The following PTPRN2 variants were observed in gnomAD, a reference collection of about 807,000 sequenced individuals.
PTPRN2 encodes the protein receptor-type tyrosine-protein phosphatase N2.
In PTPRN2, 74 loss-of-function variants were observed where a neutral mutation model predicts 118.8. The ratio of observed to expected loss-of-function variants is 0.62; its 90% CI spans 0.52 to 0.76. The LOEUF (loss-of-function observed/expected upper bound fraction) is 0.76, where lower values mean the gene tolerates loss of function less well. Among genes scored for constraint, PTPRN2 ranks in the 30% least tolerant of loss-of-function variants. PTPRN2 has a pLI of 0.00. For missense variants in PTPRN2, 1,481 were observed against 1,394.4 expected, an observed-to-expected ratio of 1.06 and a Z score of -0.99; for synonymous variants, 641 against 608.0, an observed-to-expected ratio of 1.05 and a Z score of -0.80.
At chr7:158,357,435 C>T (rs1808479209) in intron 2 of PTPRN2, among the ~76,000 whole-genome samples, 1 of 152,200 alleles carries the variant, frequency 6.6e-6, no homozygotes, top group Non-Finnish European at 1.5e-5. Context: ...ATGGTGGCTT[C>T]CTGGCTTGCT....
chr7:158,156,496 T>A (rs1821830066), intron 6 of PTPRN2, among the ~76,000 whole-genome samples: 1 of 152,182 alleles, frequency 6.6e-6, no homozygotes, highest in African/African-American at 2.4e-5. Flanking sequence ...GCTGCCCACA[T>A]TCGCTAAATG....
At chr7:158,285,760 C>A (rs565704366) in intron 3 of PTPRN2, among the ~76,000 whole-genome samples, 1 of 152,078 alleles carries the variant, frequency 6.6e-6, no homozygotes, top group Non-Finnish European at 1.5e-5. Flanking sequence ...TCAGCTACAC[C>A]GGCTAACTCC....
intron 12 of PTPRN2, among the ~76,000 whole-genome samples, chr7:157,833,323 G>A (rs890375508): frequency 1.4e-5 from 2 of 147,708 alleles, no homozygotes; most frequent in South Asian, 4.3e-4. Flanking sequence ...CGGTGAACTC[G>A]TCCAGGAGCG....
intron 2 of PTPRN2, among the ~76,000 whole-genome samples, chr7:158,400,578 C>T (rs1812858560): frequency 6.6e-6 from 1 of 152,190 alleles, no homozygotes; most frequent in African/African-American, 2.4e-5. Context: ...AACAAGAACA[C>T]AAGATGCGCT....
intron 12 of PTPRN2, among the ~76,000 whole-genome samples, chr7:157,886,032 T>A (rs192926818): frequency 4.6e-5 from 7 of 152,334 alleles, no homozygotes; most frequent in Admixed American, 4.6e-4. Flanking sequence ...CCTGTTAATT[T>A]TCTTCATCTC....
intron 6 of PTPRN2, among the ~76,000 whole-genome samples, chr7:158,140,096 C>T (rs1025546017): frequency 1.3e-5 from 2 of 152,136 alleles, no homozygotes; most frequent in African/African-American, 4.8e-5. Context: ...TTCTTTTCTC[C>T]TCTTACTTTA....
intron 2 of PTPRN2, among the ~76,000 whole-genome samples, chr7:158,344,740 C>T (rs529132197): frequency 2.0e-5 from 3 of 152,104 alleles, no homozygotes; most frequent in African/African-American, 4.8e-5. Flanking sequence ...TGACGGTGCA[C>T]GATTTGCAAT....
intron 2 of PTPRN2, among the ~76,000 whole-genome samples, chr7:158,403,640 A>G (rs1411975861): frequency 6.6e-6 from 1 of 152,136 alleles, no homozygotes; most frequent in Non-Finnish European, 1.5e-5. Context: ...GAAGTGGGCT[A>G]AGGTGGGCAG....
At chr7:157,945,357 G>A (rs1481978475) in intron 11 of PTPRN2, among the ~76,000 whole-genome samples, 4 of 151,782 alleles carry the variant, frequency 2.6e-5, no homozygotes, top group African/African-American at 7.3e-5. Context: ...CACTGACCCC[G>A]TGTGTCCCGA....
rs1373948913 is a variant in PTPRN2 at position 157,544,140 on chromosome 7, CGGAGAGAGACGGAGAGAGGT to C, written c.2977-3375_2977-3356del. Reference sequence around the variant, plus strand: ...AGAGATGGAGAGAGGCGGAGAGAGGCGGAGAGAGACGGAGAGAGGTGGAGAGAGACGGAGAGAGGTGGAGA... The same window carrying C: ...AGAGATGGAGAGAGGCGGAGAGAGGCGGAGAGAGACGGAGAGAGGTGGAGA... On this transcript the variant is annotated intron_variant, in intron 22 of 22. Transcript: ENST00000389418. Among the ~76,000 whole-genome samples, 818 of 121,938 alleles carry C rather than the reference CGGAGAGAGACGGAGAGAGGT, an allele frequency of 6.7e-3. 7 individuals carry two copies. The highest frequency in any genetic ancestry group is 0.033 in the East Asian group (115 of 3,450). 80.0% of individuals were successfully genotyped at this position (121,938 alleles called of 152,430 possible).
At chr7:158,137,559 G>A (rs912212247) in intron 7 of PTPRN2, among the ~76,000 whole-genome samples, 1 of 152,102 alleles carries the variant, frequency 6.6e-6, no homozygotes, top group Non-Finnish European at 1.5e-5. Flanking sequence ...CCATGGTGCG[G>A]GTCCCGATTC....
chr7:157,589,128 G>A (rs1800843691), intron 17 of PTPRN2, among the ~76,000 whole-genome samples: 1 of 152,092 alleles, frequency 6.6e-6, no homozygotes, highest in Non-Finnish European at 1.5e-5. Context: ...CCCTCCCTGA[G>A]CCCCTGGCTA....
chr7:158,327,130 T>TACACAC, intron 2 of PTPRN2, among the ~76,000 whole-genome samples: 1 of 62,394 alleles, frequency 1.6e-5, no homozygotes. Context: ...AGCACACACA[T>TACACAC]ACACACTCAT....
intron 9 of PTPRN2, among the ~76,000 whole-genome samples, chr7:158,112,906 C>A (rs1295911084): frequency 6.6e-6 from 1 of 152,020 alleles, no homozygotes; most frequent in Non-Finnish European, 1.5e-5. Context: ...AATGCCGAGA[C>A]CGGGGAGCTG....
intron 11 of PTPRN2, among the ~76,000 whole-genome samples, chr7:158,080,446 C>T (rs149153650): frequency 3.3e-4 from 50 of 151,152 alleles, no homozygotes; most frequent in African/African-American, 1.0e-3. Flanking sequence ...TGATACGGAA[C>T]GGGAGCACCC....
chr7:158,062,069 C>T (rs557789388), intron 11 of PTPRN2, among the ~76,000 whole-genome samples: 48 of 152,380 alleles, frequency 3.2e-4, no homozygotes, highest in African/African-American at 1.0e-3. Context: ...GGTGCGGAAG[C>T]CCAGAGCCCA....
At chr7:158,361,882 C>T (rs975885957) in intron 2 of PTPRN2, among the ~76,000 whole-genome samples, 1 of 152,216 alleles carries the variant, frequency 6.6e-6, no homozygotes, top group Non-Finnish European at 1.5e-5. Context: ...TGCCTGAGCC[C>T]TGCCTCTCCC....
chr7:158,278,818 C>T (rs1586105529), intron 3 of PTPRN2, among the ~76,000 whole-genome samples: 3 of 152,096 alleles, frequency 2.0e-5, no homozygotes, highest in South Asian at 2.1e-4. Context: ...AAACACAGCG[C>T]ATCCAGAATT....
At position 157,595,504 on chromosome 7, in the gene PTPRN2, GAAGCCCGGAGGTTAGGAAGCCAGA is replaced by G. The variant is rs1563245304; in HGVS notation, c.2419-213_2419-190del. 1.6e-4 allele frequency among the ~76,000 whole-genome samples: 23 copies of G among 145,312 alleles called. 2 individuals carry two copies. The highest frequency in any genetic ancestry group is 1.2e-3 in the East Asian group (6 of 4,862). On this transcript the variant is annotated intron_variant, in intron 16 of 22. Coordinates refer to ENST00000389418, the MANE Select transcript of PTPRN2 (RefSeq NM_002847.5). The stretch of plus-strand genomic sequence containing the variant: ...GGAGGTTAGGAAGCCTGGTGTTTAG[GAAGCCCGGAGGTTAGGAAGCCAGA>G]AGGTTAGGAAGCCAGGAGGTTAGGA...
Sources: allele counts gnomAD v4.1 joint callset (sites outside exome capture counted in the v4.1 genomes callset), GRCh38; gene constraint gnomAD v4.1.1; transcripts MANE v1.5; gene names NCBI Gene and HGNC (gene_info 2026-07-23, HGNC 2026-07-21).